The following WDR7 variants were observed in gnomAD, a reference collection of about 807,000 sequenced individuals.
WDR7 encodes WD repeat-containing protein 7.
A neutral mutation model predicts 169.4 loss-of-function variants in WDR7; 46 were observed. That is an observed-to-expected ratio of 0.27 (90% CI 0.21 to 0.35). The LOEUF (loss-of-function observed/expected upper bound fraction) is 0.35, where lower values mean the gene tolerates loss of function less well. WDR7 is among the 10% of genes least tolerant of loss of function. The probability of loss-of-function intolerance (pLI) is 1.00; values close to 1 mark genes in which losing one functional copy is unlikely to be tolerated. For synonymous variants in WDR7, 612 were observed against 666.8 expected (o/e 0.92, Z 1.27); for missense variants, 1,534 against 1,859.3 (o/e 0.83, Z 3.22).
intron 16 of WDR7, among the ~76,000 whole-genome samples, chr18:56,765,415 G>GT (rs917514308): frequency 7.3e-5 from 11 of 151,296 alleles, no homozygotes; most frequent in Admixed American, 2.0e-4. Context: ...TATTTTAGTA[G>GT]TTTTTTTAGA....
rs557319976 is a variant in WDR7, at chr18:56,943,343, C to CT, written c.4064+3961dup. On this transcript the variant is annotated intron_variant, in intron 25 of 27. Transcript: ENST00000254442. ...TAAAATCTTTATATAGTTTTGTATT[C>CT]TTTTTTTTTTTGTTTCCTTCCTTTT... Among the ~76,000 whole-genome samples, 365 of 145,054 alleles carry CT rather than the reference C, an allele frequency of 2.5e-3. 1 individual carries two copies. The highest frequency in any genetic ancestry group is 7.9e-3 in the African/African-American group (314 of 39,860).
At chr18:56,725,838 AT>A (rs2026437744) in intron 13 of WDR7, among the ~76,000 whole-genome samples, 1 of 152,012 alleles carries the variant, frequency 6.6e-6, no homozygotes, top group South Asian at 2.1e-4. Context: ...TGTATAAGGT[AT>A]AAGGAAGGGA....
At chr18:56,698,081 G>A (rs1448433395) in intron 12 of WDR7, among the ~76,000 whole-genome samples, 1 of 152,026 alleles carries the variant, frequency 6.6e-6, no homozygotes, top group East Asian at 1.9e-4. Flanking sequence ...TGTAATCCCA[G>A]CTCCTTAGGA....
intron 20 of WDR7, among the ~76,000 whole-genome samples, chr18:56,848,719 C>T (rs998181697): frequency 6.6e-5 from 10 of 151,974 alleles, no homozygotes; most frequent in African/African-American, 2.4e-4. Flanking sequence ...GTTTAAAGAG[C>T]CTGGCACCTC....
intron 19 of WDR7, among the ~76,000 whole-genome samples, chr18:56,806,546 A>G (rs2044776755): frequency 6.6e-6 from 1 of 152,134 alleles, no homozygotes; most frequent in Non-Finnish European, 1.5e-5. Context: ...AGGAAGTACT[A>G]GGGCTCCCAG....
intron 20 of WDR7, chr18:56,873,463 G>A (rs949969936): frequency 6.6e-6 from 1 of 152,080 alleles, no homozygotes; most frequent in African/African-American, 2.4e-5. Flanking sequence ...CAAAATTGAG[G>A]CAATTAAACA....
intron 21 of WDR7, among the ~76,000 whole-genome samples, chr18:56,887,667 A>AT (rs879564223): frequency 0.033 from 4,895 of 146,608 alleles, 280 homozygotes; most frequent in African/African-American, 0.12. Context: ...CCATTAACCT[A>AT]TTTTTTTTTT....
chr18:56,750,568 T>C (rs898345706), intron 14 of WDR7, among the ~76,000 whole-genome samples: 5 of 152,220 alleles, frequency 3.3e-5, no homozygotes, highest in African/African-American at 1.2e-4. Flanking sequence ...GGTGAGTTTG[T>C]GAGCACACAT....
chr18:56,917,596 C>T (rs1258586458), intron 21 of WDR7, among the ~76,000 whole-genome samples: 1 of 152,080 alleles, frequency 6.6e-6, no homozygotes, highest in Non-Finnish European at 1.5e-5. Context: ...AAAGGGCTAG[C>T]CATTATACGT....
At chr18:56,995,020 C>T (rs774693010) in intron 26 of WDR7, among the ~76,000 whole-genome samples, 13 of 152,134 alleles carry the variant, frequency 8.5e-5, no homozygotes, top group Middle Eastern at 6.8e-3. Flanking sequence ...AGTTGCTCTT[C>T]GTATTTGTTG....
intron 20 of WDR7, among the ~76,000 whole-genome samples, chr18:56,860,669 T>G (rs2045790771): frequency 6.6e-6 from 1 of 152,128 alleles, no homozygotes; most frequent in Admixed American, 6.5e-5. Flanking sequence ...TTAATTTGAT[T>G]ATGCTATTTT....
intron 12 of WDR7, among the ~76,000 whole-genome samples, chr18:56,701,599 GT>G: frequency 6.6e-6 from 1 of 152,132 alleles, no homozygotes; most frequent in East Asian, 1.9e-4. Context: ...TTTTTATGTT[GT>G]TATTAAATTA....
chr18:56,954,553 G>A (rs1438573798), intron 25 of WDR7, among the ~76,000 whole-genome samples: 1 of 152,116 alleles, frequency 6.6e-6, no homozygotes, highest in Non-Finnish European at 1.5e-5. Context: ...TATATATGAA[G>A]AGAAAAAGAT....
At chr18:56,939,439 C>A in intron 25 of WDR7, 46 bp downstream of exon 25, 2 of 1,434,436 alleles carry the variant, frequency 1.4e-6, no homozygotes, top group Middle Eastern at 1.8e-4. Flanking sequence ...TTTTCAGTAA[C>A]AAATAATTTT....
intron 20 of WDR7, among the ~76,000 whole-genome samples, chr18:56,877,659 C>T (rs1167490071): frequency 6.6e-6 from 1 of 152,200 alleles, no homozygotes; most frequent in Non-Finnish European, 1.5e-5. Flanking sequence ...TGTTATCTAT[C>T]TGTCACTGCT....
rs1485581861 is a variant in WDR7, at chr18:56,699,739, TG to T, written c.1578+3278del. 9.9e-6 allele frequency: 8 copies of T among 807,980 alleles called. No homozygotes were observed. In the African/African-American group the frequency reaches 1.3e-4, roughly 13 times the overall value. 50.1% of individuals were successfully genotyped at this position (807,980 alleles called of 1,614,324 possible). ...TCACGTTTCCTAAAACGTACAAAGTTGTTAAGAAAAAGTACTCAGCTAAATA... is the reference window on the plus strand; with the variant it reads ...TCACGTTTCCTAAAACGTACAAAGTTTTAAGAAAAAGTACTCAGCTAAATA... On this transcript the variant is annotated intron_variant, in intron 12 of 27. Transcript: ENST00000254442.
At chr18:57,017,477 CTGTGTGTG>C (rs57440164) in intron 26 of WDR7, among the ~76,000 whole-genome samples, 1,464 of 134,808 alleles carry the variant, frequency 0.011, 25 homozygotes, top group African/African-American at 0.036. Context: ...CCAAGTCATG[CTGTGTGTG>C]TGTGTGTGTG....
intron 19 of WDR7, among the ~76,000 whole-genome samples, chr18:56,787,780 GA>G (rs1405176460): frequency 6.6e-6 from 1 of 152,198 alleles, no homozygotes; most frequent in East Asian, 1.9e-4. Flanking sequence ...CACAAATGTG[GA>G]TGGACCAACA....
At chr18:56,708,505 A>G (rs2026011520) in intron 12 of WDR7, among the ~76,000 whole-genome samples, 1 of 152,200 alleles carries the variant, frequency 6.6e-6, no homozygotes, top group Non-Finnish European at 1.5e-5. Context: ...TTGTAATACC[A>G]GGCAGTCTTT....
Sources: gnomAD v4.1 joint callset for allele counts (sites outside exome capture counted in the v4.1 genomes callset) on GRCh38, gnomAD v4.1.1 for gene constraint, MANE v1.5 for transcripts, NCBI Gene and HGNC (gene_info 2026-07-23, HGNC 2026-07-21) for gene names.